ATP6V0A4: variants seen among roughly 807,000 people sequenced by gnomAD.
The protein encoded by ATP6V0A4 is V-type proton ATPase 116 kDa subunit a 4.
ATP6V0A4 carries 86 observed loss-of-function variants against 107.3 expected under a neutral mutation model. The observed-to-expected ratio is 0.80, with a 90% CI of 0.67 to 0.96. The LOEUF (loss-of-function observed/expected upper bound fraction) is 0.96. ATP6V0A4 is among the 40% of genes least tolerant of loss of function. ATP6V0A4 has a pLI of 0.00. For synonymous variants in ATP6V0A4, 353 were observed against 381.4 expected, an observed-to-expected ratio of 0.93 and a Z score of 0.87; for missense variants, 908 against 1,045.6, an observed-to-expected ratio of 0.87 and a Z score of 1.81.
chr7:138,719,758 G>A (rs1319947088), intron 19 of ATP6V0A4, among the ~76,000 whole-genome samples: 2 of 152,126 alleles, frequency 1.3e-5, no homozygotes, highest in Non-Finnish European at 2.9e-5. Flanking sequence ...GGTGGCTCAC[G>A]CCTGTAATCT....
chr7:138,731,479 T>C (rs1805011659), intron 17 of ATP6V0A4, among the ~76,000 whole-genome samples: 1 of 152,146 alleles, frequency 6.6e-6, no homozygotes, highest in Non-Finnish European at 1.5e-5. Context: ...TCAGATAATA[T>C]GATCAGGTTA....
chr7:138,793,059 TGA>T (rs1339790220), intron 1 of ATP6V0A4, among the ~76,000 whole-genome samples: 1 of 152,086 alleles, frequency 6.6e-6, no homozygotes, highest in Non-Finnish European at 1.5e-5. Context: ...TTTGGGAGGC[TGA>T]GACGGGAGTC....
At chr7:138,748,132 C>T (rs1161033975) in intron 12 of ATP6V0A4, among the ~76,000 whole-genome samples, 1 of 149,312 alleles carries the variant, frequency 6.7e-6, no homozygotes. Context: ...TCAAAAATCA[C>T]AAAGTCAAAA....
intron 15 of ATP6V0A4, 97 bp downstream of exon 15, chr7:138,739,443 T>C: frequency 7.0e-7 from 1 of 1,435,680 alleles, no homozygotes; most frequent in Non-Finnish European, 9.6e-7. Context: ...CACAAGTTTG[T>C]TGATTTGACA....
intron 2 of ATP6V0A4, among the ~76,000 whole-genome samples, chr7:138,785,085 G>A (rs1808117360): frequency 6.6e-6 from 1 of 152,106 alleles, no homozygotes; most frequent in South Asian, 2.1e-4. Flanking sequence ...AATGACAAAG[G>A]ATAAATACAG....
rs1562989872 is a variant in ATP6V0A4 at position 138,733,098 on chromosome 7, G to A, written c.1692-5C>T. Reference sequence around the variant, plus strand: ...TTGAGAGTTCTTCTGAAGTATCTGGGGGTGGAAGACACACACATACACAAG... The same window carrying A: ...TTGAGAGTTCTTCTGAAGTATCTGGAGGTGGAAGACACACACATACACAAG... On this transcript the variant is annotated splice_polypyrimidine_tract_variant and splice_region_variant and intron_variant, in intron 16 of 21. Transcript: ENST00000310018. The A allele has an allele frequency of 6.2e-7, 1 of 1,613,962 alleles. No homozygotes were observed. Among genetic ancestry groups the A allele is most frequent in the Non-Finnish European group, 8.5e-7 (1 of 1,179,924 alleles).
chr7:138,723,161 G>A (rs895419981), intron 18 of ATP6V0A4, among the ~76,000 whole-genome samples: 18 of 152,114 alleles, frequency 1.2e-4, no homozygotes, highest in Non-Finnish European at 2.1e-4. Context: ...TCCAGTGCAT[G>A]TGCTTTTTCT....
At position 138,718,676 on chromosome 7, in the gene ATP6V0A4, CGGG is replaced by C. The variant is rs551633118; in HGVS notation, c.2140-2798_2140-2796del. ...GAGACGTCCAGGAAGGAATTCGGGG[CGGG>C]GGGGGGGGGTGCAGTCACGGATGTC... On this transcript the variant is annotated intron_variant, in intron 19 of 21. Coordinates refer to ENST00000310018, the MANE Select transcript of ATP6V0A4 (RefSeq NM_020632.3). Among the ~76,000 whole-genome samples the C allele has an allele frequency of 1.3e-3, 6 of 4,760 alleles. No homozygotes were observed. In the South Asian group the frequency reaches 0.047, roughly 37 times the overall value. 3.1% of individuals were successfully genotyped at this position (4,760 alleles called of 152,430 possible). A position where few individuals can be genotyped will look rare whatever the true frequency, so the allele number is the denominator to read the frequency against.
chr7:138,797,077 T>C (rs1808706497), intron 1 of ATP6V0A4, among the ~76,000 whole-genome samples: 1 of 152,162 alleles, frequency 6.6e-6, no homozygotes, highest in Non-Finnish European at 1.5e-5. Context: ...GTGCTGCTGG[T>C]ACAGCCACCC....
At chr7:138,716,607 A>C (rs1397776967) in intron 19 of ATP6V0A4, among the ~76,000 whole-genome samples, 1 of 151,636 alleles carries the variant, frequency 6.6e-6, no homozygotes, top group Non-Finnish European at 1.5e-5. Context: ...TCTGTCACTC[A>C]GGCTGGAATG....
At chr7:138,778,603 C>T (rs1033951605) in intron 2 of ATP6V0A4, among the ~76,000 whole-genome samples, 1 of 152,146 alleles carries the variant, frequency 6.6e-6, no homozygotes, top group Non-Finnish European at 1.5e-5. Flanking sequence ...AAAGCCTGCT[C>T]GCTCTAGCAA....
At chr7:138,783,506 G>A (rs568053817) in intron 2 of ATP6V0A4, among the ~76,000 whole-genome samples, 58 of 152,184 alleles carry the variant, frequency 3.8e-4, no homozygotes, top group Non-Finnish European at 6.3e-4. Flanking sequence ...CAGGAGGATC[G>A]CTTGAGCCCA....
intron 2 of ATP6V0A4, among the ~76,000 whole-genome samples, chr7:138,776,306 TGA>T (rs1250472048): frequency 9.9e-5 from 15 of 152,150 alleles, no homozygotes; most frequent in Non-Finnish European, 2.2e-4. Flanking sequence ...CCCAGCCCTC[TGA>T]GAGAGCACCT....
chr7:138,713,096 C>T (rs1803830308), intron 20 of ATP6V0A4, among the ~76,000 whole-genome samples: 1 of 151,420 alleles, frequency 6.6e-6, no homozygotes. Flanking sequence ...CGAGACCATC[C>T]TGGCCATCAT....
chr7:138,711,730 C>T (rs774222549), intron 20 of ATP6V0A4, among the ~76,000 whole-genome samples: 11 of 152,218 alleles, frequency 7.2e-5, no homozygotes, highest in African/African-American at 9.7e-5. Context: ...GCTTAGCATT[C>T]GTGTGATCTT....
At chr7:138,728,926 T>G in intron 17 of ATP6V0A4, 64 bp from the exon 18 acceptor site, 1 of 1,612,194 alleles carries the variant, frequency 6.2e-7, no homozygotes, top group Non-Finnish European at 8.5e-7. Flanking sequence ...CTTTACGTGA[T>G]GAAAATGACC....
intron 14 of ATP6V0A4, among the ~76,000 whole-genome samples, chr7:138,741,564 T>A (rs1805635221): frequency 6.6e-6 from 1 of 151,476 alleles, no homozygotes. Context: ...TATGATAGAG[T>A]GAGAAAAAAC....
At chr7:138,756,019 AAACC>A (rs1410260031) in intron 9 of ATP6V0A4, 22 of 687,402 alleles carry the variant, frequency 3.2e-5, no homozygotes, top group Non-Finnish European at 4.9e-5. Flanking sequence ...TCAAACCATA[AAACC>A]TGTGAGTTGC....
chr7:138,728,921 C>T (rs1804849578), intron 17 of ATP6V0A4, 59 bp from the exon 18 acceptor site: 5 of 1,612,328 alleles, frequency 3.1e-6, no homozygotes, highest in Admixed American at 3.3e-5. Context: ...GCACACTTTA[C>T]GTGATGAAAA....
Sources: allele counts gnomAD v4.1 joint callset (sites outside exome capture counted in the v4.1 genomes callset), GRCh38; gene constraint gnomAD v4.1.1; transcripts MANE v1.5; gene names NCBI Gene and HGNC (gene_info 2026-07-23, HGNC 2026-07-21).